TENM1: variants seen among roughly 807,000 people sequenced by gnomAD.
The protein encoded by TENM1 is teneurin-1.
TENM1 carries 35 observed loss-of-function variants against 174.8 expected under a neutral mutation model. The ratio of observed to expected loss-of-function variants is 0.20; its 90% CI spans 0.15 to 0.27. TENM1 has a LOEUF of 0.27. TENM1 is among the 10% of genes least tolerant of loss of function. The pLI, the probability that TENM1 is intolerant of heterozygous loss-of-function variation, is 1.00. For synonymous variants in TENM1, 781 were observed against 798.7 expected (o/e 0.98, Z 0.37); for missense variants, 1,633 against 2,130.1 (o/e 0.77, Z 4.59).
chrX:124,931,871 G>GCACACACACA (rs34069865), intron 1 of TENM1, among the ~76,000 whole-genome samples: 15 of 102,040 alleles, frequency 1.5e-4, no homozygotes, highest in African/African-American at 5.0e-4. Flanking sequence ...CCAAGCGCAC[G>GCACACACACA]CACACACACA....
intron 3 of TENM1, among the ~76,000 whole-genome samples, chrX:124,871,407 G>C (rs2057105566): frequency 9.0e-6 from 1 of 111,365 alleles, no homozygotes; most frequent in Non-Finnish European, 1.9e-5. Context: ...GTAAGGTATT[G>C]CAAGGAAGAG....
chrX:124,692,401 A>G (rs1453750876), intron 5 of TENM1, among the ~76,000 whole-genome samples: 1 of 111,361 alleles, frequency 9.0e-6, no homozygotes, highest in Non-Finnish European at 1.9e-5. Context: ...ATTTACTTAT[A>G]GAACAAACCT....
chrX:124,852,619 C>A (rs1371913887), intron 3 of TENM1, among the ~76,000 whole-genome samples: 1 of 110,707 alleles, frequency 9.0e-6, no homozygotes, highest in Non-Finnish European at 1.9e-5. Context: ...GAAAAACATA[C>A]AAGCCATCTA....
intron 11 of TENM1, among the ~76,000 whole-genome samples, chrX:124,586,250 A>G: frequency 9.0e-6 from 1 of 111,113 alleles, no homozygotes; most frequent in Non-Finnish European, 1.9e-5. Flanking sequence ...AGAATTTTAG[A>G]CCAATATCCT....
chrX:125,057,854 G>A, the TENM1 span, among the ~76,000 whole-genome samples: 1 of 111,853 alleles, frequency 8.9e-6, no homozygotes, highest in Non-Finnish European at 1.9e-5. Context: ...CATGAGGACA[G>A]GATATTGCAC....
intron 3 of TENM1, among the ~76,000 whole-genome samples, chrX:124,820,121 G>A (rs1271119430): frequency 9.0e-6 from 1 of 110,972 alleles, no homozygotes; most frequent in African/African-American, 3.3e-5. Flanking sequence ...ATGGGTCAAT[G>A]TGTTTTTGTC....
intron 22 of TENM1, among the ~76,000 whole-genome samples, chrX:124,461,717 G>A (rs148178716): frequency 9.0e-5 from 10 of 111,293 alleles, no homozygotes; most frequent in African/African-American, 2.6e-4. Context: ...AGTCGTTACC[G>A]GAGGCTGGGA....
the TENM1 span, among the ~76,000 whole-genome samples, chrX:125,092,952 T>G: frequency 8.9e-6 from 1 of 112,069 alleles, no homozygotes; most frequent in Non-Finnish European, 1.9e-5. Context: ...AACTTATGCC[T>G]GACAGCAGAA....
At chrX:125,064,892 T>C in the TENM1 span, among the ~76,000 whole-genome samples, 2 of 111,641 alleles carry the variant, frequency 1.8e-5, no homozygotes, top group Non-Finnish European at 3.8e-5. Context: ...GCCAACACCA[T>C]AGACGTCTTA....
In TENM1 at chrX:124,830,660, G is replaced by T. The variant is rs181264189; in HGVS notation, c.535+63636C>A. Among the ~76,000 whole-genome samples, 22 of 111,946 alleles carry T rather than the reference G, an allele frequency of 2.0e-4. No homozygotes were observed. The East Asian group carries it at 5.1e-3, about 26-fold the overall frequency. On this transcript the variant is annotated intron_variant, in intron 3 of 31. Coordinates refer to ENST00000422452, the Ensembl canonical transcript of TENM1. ...GGCTGTGATCCTGCAAATTGCAGGG[G>T]AAAGACTGTTTACTGGGATGCTAGG...
intron 3 of TENM1, among the ~76,000 whole-genome samples, chrX:124,742,259 G>A (rs1376692438): frequency 9.0e-6 from 1 of 111,098 alleles, no homozygotes; most frequent in Non-Finnish European, 1.9e-5. Flanking sequence ...AAAGGTCACG[G>A]AGAGTCAGAA....
At chrX:124,385,163 C>CA (rs2060204938) in intron 29 of TENM1, among the ~76,000 whole-genome samples, 1 of 112,439 alleles carries the variant, frequency 8.9e-6, no homozygotes, top group African/African-American at 3.2e-5. Context: ...TAATCACTGA[C>CA]AAAAATGCTT....
At chrX:124,926,710 T>TA (rs1174129909) in intron 1 of TENM1, among the ~76,000 whole-genome samples, 1 of 112,033 alleles carries the variant, frequency 8.9e-6, no homozygotes, top group Non-Finnish European at 1.9e-5. Flanking sequence ...CACACACAAG[T>TA]ACATATACAT....
intron 23 of TENM1, among the ~76,000 whole-genome samples, chrX:124,439,893 A>G (rs2060885099): frequency 9.0e-6 from 1 of 111,552 alleles, no homozygotes; most frequent in Non-Finnish European, 1.9e-5. Context: ...CAACCTCCCT[A>G]TGGGGAAAGT....
At chrX:125,145,007 C>A in the TENM1 span, among the ~76,000 whole-genome samples, 4 of 111,235 alleles carry the variant, frequency 3.6e-5, no homozygotes, top group Non-Finnish European at 5.7e-5. Flanking sequence ...CTCAGCCTCC[C>A]AAAGTGCTAG....
chrX:124,584,429 A>C (rs5958533), intron 11 of TENM1, among the ~76,000 whole-genome samples: 5,907 of 109,411 alleles, frequency 0.054, 305 homozygotes, highest in African/African-American at 0.13. Flanking sequence ...CATATCCAGC[A>C]AAACTAAGCT....
chrX:125,103,368 G>A, the TENM1 span, among the ~76,000 whole-genome samples: 1 of 111,202 alleles, frequency 9.0e-6, no homozygotes, highest in African/African-American at 3.3e-5. Flanking sequence ...GTTTTCATTT[G>A]AAACTAATAC....
chrX:124,925,147 T>A (rs973392338), intron 1 of TENM1, among the ~76,000 whole-genome samples: 3 of 109,037 alleles, frequency 2.8e-5, no homozygotes, highest in African/African-American at 9.9e-5. Context: ...GGGTACCTTA[T>A]ATCACAGAAT....
exon 22 of TENM1, chrX:124,481,854 G>T (rs200542551): frequency 1.7e-6 from 2 of 1,202,652 alleles, no homozygotes; most frequent in Admixed American, 2.2e-5. Flanking sequence ...CAGATCTTTC[G>T]TCTCCACAAG....
Sources: allele counts gnomAD v4.1 joint callset (sites outside exome capture counted in the v4.1 genomes callset), GRCh38; gene constraint gnomAD v4.1.1; transcripts MANE v1.5; gene names NCBI Gene and HGNC (gene_info 2026-07-23, HGNC 2026-07-21).